The following PACS1 variants were observed in gnomAD, a reference collection of about 807,000 sequenced individuals.
The protein encoded by PACS1 is phosphofurin acidic cluster sorting protein 1, also known as PACS-1.
A neutral mutation model predicts 115.0 loss-of-function variants in PACS1; 24 were observed. The observed-to-expected ratio is 0.21, with a 90% CI of 0.15 to 0.29. The LOEUF (loss-of-function observed/expected upper bound fraction) is 0.29. Among genes scored for constraint, PACS1 ranks in the 10% least tolerant of loss-of-function variants. The probability of loss-of-function intolerance (pLI) is 1.00; values close to 1 mark genes in which losing one functional copy is unlikely to be tolerated. For synonymous variants in PACS1, 453 were observed against 504.5 expected (o/e 0.90, Z 1.37); for missense variants, 838 against 1,251.2 (o/e 0.67, Z 4.98).
At chr11:66,131,737 G>A (rs1858709336) in intron 1 of PACS1, among the ~76,000 whole-genome samples, 1 of 151,848 alleles carries the variant, frequency 6.6e-6, no homozygotes, top group Non-Finnish European at 1.5e-5. Flanking sequence ...AGACCAGCCT[G>A]GGCAACATAG....
chr11:66,104,046 T>G (rs1348451759), intron 1 of PACS1, among the ~76,000 whole-genome samples: 3 of 150,950 alleles, frequency 2.0e-5, no homozygotes, highest in African/African-American at 7.3e-5. Context: ...AAAAAATACA[T>G]AACCACAATA....
At position 66,236,235 on chromosome 11, in the gene PACS1, G is replaced by A. The variant is rs1160124363; in HGVS notation, c.2250+295G>A. Among the ~76,000 whole-genome samples the A allele has an allele frequency of 6.6e-6, 1 of 152,294 alleles. No homozygotes were observed. Among genetic ancestry groups the A allele is most frequent in the Admixed American group, 6.5e-5 (1 of 15,292 alleles). ...TGCAGAGGTGGAGAAACCCTGGGCC[G>A]GACATGGATTGGGCTGTCCCTTTTA... On this transcript the variant is annotated intron_variant, in intron 19 of 23. Coordinates refer to ENST00000320580, the MANE Select transcript of PACS1 (RefSeq NM_018026.4). The surrounding 1 kb of genome is among the most constrained non-coding windows in gnomAD (Gnocchi z 4.2).
At chr11:66,181,237 A>AGG (rs1011411396) in intron 1 of PACS1, among the ~76,000 whole-genome samples, 4 of 149,688 alleles carry the variant, frequency 2.7e-5, no homozygotes, top group Non-Finnish European at 5.9e-5. Context: ...TTTGAGATAG[A>AGG]GTCTCACTCT....
chr11:66,158,659 C>T (rs1859416949), intron 1 of PACS1, among the ~76,000 whole-genome samples: 2 of 152,112 alleles, frequency 1.3e-5, no homozygotes, highest in South Asian at 4.1e-4. Context: ...TATGACCACA[C>T]CACCACACTC....
intron 2 of PACS1, among the ~76,000 whole-genome samples, chr11:66,202,655 A>T (rs1854827950): frequency 6.7e-6 from 1 of 149,204 alleles, no homozygotes; most frequent in South Asian, 2.1e-4. Context: ...TTGGGAGGCC[A>T]AGGTAGATGG....
At chr11:66,167,496 G>T (rs1314452521) in intron 1 of PACS1, among the ~76,000 whole-genome samples, 1 of 149,856 alleles carries the variant, frequency 6.7e-6, no homozygotes, top group East Asian at 1.9e-4. Context: ...TACCACAGCT[G>T]CCTTTGGCTT....
chr11:66,181,432 T>C (rs1860009950), intron 1 of PACS1, among the ~76,000 whole-genome samples: 3 of 152,048 alleles, frequency 2.0e-5, no homozygotes, highest in Non-Finnish European at 4.4e-5. Flanking sequence ...CAGGCTGGTC[T>C]TGAACTCCTG....
At chr11:66,211,309 A>G in intron 4 of PACS1, 50 bp downstream of exon 4, 4 of 1,601,778 alleles carry the variant, frequency 2.5e-6, no homozygotes, top group Non-Finnish European at 1.7e-6. Context: ...CACAGAGCCC[A>G]AGGGACACCC....
chr11:66,148,032 A>G (rs1859163845), intron 1 of PACS1, among the ~76,000 whole-genome samples: 1 of 152,166 alleles, frequency 6.6e-6, no homozygotes, highest in South Asian at 2.1e-4. Context: ...GGCCATAATA[A>G]CAAAAGACAT....
chr11:66,131,926 A>C (rs1039228932), intron 1 of PACS1, among the ~76,000 whole-genome samples: 2 of 152,008 alleles, frequency 1.3e-5, no homozygotes, highest in Non-Finnish European at 2.9e-5. Context: ...CAAACTTAGC[A>C]TTGCTAAAAC....
At chr11:66,087,689 T>C (rs1857595908) in intron 1 of PACS1, among the ~76,000 whole-genome samples, 2 of 152,238 alleles carry the variant, frequency 1.3e-5, no homozygotes, top group African/African-American at 2.4e-5. Context: ...CCGCTGTTGA[T>C]GGCTATATGG....
rs1302139515 is a variant in PACS1 at position 66,233,028 on chromosome 11, G to A, written c.1800G>A (p.Gln600=). ...VVCTCSTVEV[Q]AVLSALLTRI... ...GCACCTGCTCCACCGTGGAGGTCCAGGCCGTGCTGTCCGCCCTGCTCACCC... is the reference window on the plus strand; with the variant it reads ...GCACCTGCTCCACCGTGGAGGTCCAAGCCGTGCTGTCCGCCCTGCTCACCC... Residue 600 remains glutamine (Q), a synonymous_variant, in exon 15 of 24, where the codon CAG becomes CAA. Coordinates refer to ENST00000320580, the MANE Select transcript of PACS1 (RefSeq NM_018026.4). This position sits in a 1 kb window ranked among gnomAD's most constrained non-coding sequence, Gnocchi z 4.5. 1.2e-6 allele frequency: 2 copies of A among 1,611,784 alleles called. No individual in the cohort carries two copies. Among genetic ancestry groups the A allele is most frequent in the East Asian group, 2.2e-5 (1 of 44,886 alleles).
chr11:66,108,588 T>A (rs1858108884), intron 1 of PACS1, among the ~76,000 whole-genome samples: 1 of 151,884 alleles, frequency 6.6e-6, no homozygotes, highest in Admixed American at 6.6e-5. Context: ...AGTATTAAGA[T>A]CTTATCTCTA....
At chr11:66,090,600 G>A (rs1857644732) in intron 1 of PACS1, among the ~76,000 whole-genome samples, 1 of 152,078 alleles carries the variant, frequency 6.6e-6, no homozygotes, top group Non-Finnish European at 1.5e-5. Context: ...AAAAGTGTGT[G>A]TATGTAGGAA....
intron 1 of PACS1, among the ~76,000 whole-genome samples, chr11:66,118,448 C>CA (rs1422460176): frequency 1.3e-5 from 2 of 151,826 alleles, no homozygotes; most frequent in Non-Finnish European, 2.9e-5. Context: ...CTTGTCTCTG[C>CA]AAAAAATGAA....
chr11:66,143,920 G>T (rs764712414), intron 1 of PACS1, among the ~76,000 whole-genome samples: 7 of 152,192 alleles, frequency 4.6e-5, no homozygotes, highest in Non-Finnish European at 1.0e-4. Context: ...GATTACAGAG[G>T]TGAACCACTG....
At chr11:66,210,949 G>A (rs185850122) in intron 3 of PACS1, among the ~76,000 whole-genome samples, 185 bp from the exon 4 acceptor site, 239 of 152,288 alleles carry the variant, frequency 1.6e-3, no homozygotes, top group Middle Eastern at 0.01. Context: ...GAGCTGTGGC[G>A]TAGAAGCCAG....
At chr11:66,168,215 A>G (rs1590792445) in intron 1 of PACS1, among the ~76,000 whole-genome samples, 1 of 150,438 alleles carries the variant, frequency 6.6e-6, no homozygotes, top group Admixed American at 6.6e-5. Context: ...TCCTCCTTAT[A>G]AATTTTAGAA....
At chr11:66,158,755 A>G (rs1859419654) in intron 1 of PACS1, among the ~76,000 whole-genome samples, 1 of 152,202 alleles carries the variant, frequency 6.6e-6, no homozygotes, top group African/African-American at 2.4e-5. Context: ...ATTAAAGGAC[A>G]TCTAGGAGGT....
Sources: allele counts gnomAD v4.1 joint callset (sites outside exome capture counted in the v4.1 genomes callset), GRCh38; gene constraint gnomAD v4.1.1; non-coding constraint Gnocchi (gnomAD v3.1); transcripts MANE v1.5; gene names NCBI Gene and HGNC (gene_info 2026-07-23, HGNC 2026-07-21).